CELF2: variants seen among roughly 807,000 people sequenced by gnomAD.
CELF2 encodes the protein CUG triplet repeat RNA-binding protein 2.
Under a neutral mutation model 62.6 loss-of-function variants are expected in CELF2, and 8 were observed. The ratio of observed to expected loss-of-function variants is 0.13; its 90% CI spans 0.07 to 0.23. The LOEUF is 0.23. CELF2 is among the 10% of genes least tolerant of loss of function. CELF2 has a pLI of 1.00. For missense variants in CELF2, 333 were observed against 671.0 expected (o/e 0.50, Z 5.56); for synonymous variants, 258 against 250.0 (o/e 1.03, Z -0.30).
chr10:11,087,041 T>A (rs557272311), intron 1 of CELF2, among the ~76,000 whole-genome samples: 5 of 152,156 alleles, frequency 3.3e-5, no homozygotes, highest in Non-Finnish European at 7.4e-5. Context: ...CACAGGAGGC[T>A]ACAGAATTGT....
At chr10:11,233,940 C>T (rs981677970) in intron 3 of CELF2, among the ~76,000 whole-genome samples, 5 of 152,224 alleles carry the variant, frequency 3.3e-5, no homozygotes, top group Non-Finnish European at 2.9e-5. Flanking sequence ...TCACCCCCTA[C>T]ACCCACAGGC....
intron 8 of CELF2, among the ~76,000 whole-genome samples, chr10:11,287,515 A>G (rs1330097647): frequency 6.6e-6 from 1 of 152,228 alleles, no homozygotes; most frequent in Non-Finnish European, 1.5e-5. Context: ...TATTTTTTTC[A>G]TAATTTTCAT....
chr10:10,949,298 C>T (rs2048040203), intron 2 of CELF2, among the ~76,000 whole-genome samples: 1 of 152,018 alleles, frequency 6.6e-6, no homozygotes, highest in Non-Finnish European at 1.5e-5. Flanking sequence ...CGTATCAGTC[C>T]CCAAACCCCA....
chr10:11,239,967 C>T (rs1432791060), intron 3 of CELF2, among the ~76,000 whole-genome samples: 2 of 152,278 alleles, frequency 1.3e-5, no homozygotes, highest in Non-Finnish European at 2.9e-5. Context: ...GCAGGAGAAT[C>T]GCTTGAACCG....
At chr10:10,565,070 G>T in the CELF2 span, among the ~76,000 whole-genome samples, 1 of 152,134 alleles carries the variant, frequency 6.6e-6, no homozygotes, top group Non-Finnish European at 1.5e-5. Context: ...AACCCAAATT[G>T]GCCTGGCTCC....
the CELF2 span, among the ~76,000 whole-genome samples, chr10:10,578,672 T>TA: frequency 6.6e-6 from 1 of 152,148 alleles, no homozygotes; most frequent in Non-Finnish European, 1.5e-5. Context: ...CTAATTATCT[T>TA]ACCCAAACCT....
chr10:10,814,659 A>G (rs905334676), intron 1 of CELF2, among the ~76,000 whole-genome samples: 2 of 152,240 alleles, frequency 1.3e-5, no homozygotes, highest in Admixed American at 1.3e-4. Flanking sequence ...GCCCTGGGCC[A>G]AATGAGGTAA....
Position 10,923,573 on chromosome 10 carries a change from G to A in CELF2, c.89+3574G>A, listed in dbSNP as rs142519508. 1.3e-3 allele frequency among the ~76,000 whole-genome samples: 202 copies of A among 152,276 alleles called. 1 individual carries two copies. The highest frequency in any genetic ancestry group is 3.5e-3 in the East Asian group (18 of 5,180). ...GCTTGAACAGGCAGGCGCTAAGTTT[G>A]TTTTTCATTGCTAATGATAACCTAA... is the stretch of plus-strand genomic sequence containing the variant. On this transcript the variant is annotated intron_variant, in intron 2 of 13. Coordinates refer to the CELF2 transcript ENST00000636488.
At chr10:10,807,674 A>G (rs2055371304) in intron 1 of CELF2, among the ~76,000 whole-genome samples, 1 of 152,238 alleles carries the variant, frequency 6.6e-6, no homozygotes, top group Non-Finnish European at 1.5e-5. Flanking sequence ...CGAAAGGAAA[A>G]GGAATTTTCT....
intron 3 of CELF2, among the ~76,000 whole-genome samples, chr10:11,235,037 A>G (rs1010521919): frequency 3.3e-5 from 5 of 152,232 alleles, no homozygotes; most frequent in African/African-American, 1.2e-4. Context: ...AACGAGGTCA[A>G]GCAACTTGAC....
chr10:10,474,223 GC>G, the CELF2 span, among the ~76,000 whole-genome samples: 2 of 152,022 alleles, frequency 1.3e-5, no homozygotes, highest in Non-Finnish European at 2.9e-5. Flanking sequence ...CAGGATGACA[GC>G]TTGAGCCCAG....
the CELF2 span, among the ~76,000 whole-genome samples, chr10:10,790,631 A>G: frequency 6.6e-6 from 1 of 152,182 alleles, no homozygotes; most frequent in Non-Finnish European, 1.5e-5. Flanking sequence ...CTCAAAGGAC[A>G]CAGATTTGGT....
the CELF2 span, among the ~76,000 whole-genome samples, chr10:10,614,406 C>T: frequency 6.6e-6 from 1 of 152,072 alleles, no homozygotes; most frequent in Non-Finnish European, 1.5e-5. Flanking sequence ...ACCCAGCAGC[C>T]ACATCCGGAA....
the CELF2 span, among the ~76,000 whole-genome samples, chr10:10,467,493 T>C: frequency 6.6e-6 from 1 of 152,054 alleles, no homozygotes; most frequent in Non-Finnish European, 1.5e-5. Flanking sequence ...TAGTAAGTCT[T>C]GGAAAAAGAT....
At chr10:11,161,180 A>G (rs1490463772) in intron 1 of CELF2, among the ~76,000 whole-genome samples, 1 of 152,224 alleles carries the variant, frequency 6.6e-6, no homozygotes, top group Non-Finnish European at 1.5e-5. Context: ...TTTCCGAACA[A>G]GATTTCATTT....
At chr10:10,873,502 C>A (rs1292648211) in intron 1 of CELF2, among the ~76,000 whole-genome samples, 1 of 152,194 alleles carries the variant, frequency 6.6e-6, no homozygotes, top group Non-Finnish European at 1.5e-5. Flanking sequence ...AAGCTGGATT[C>A]TGTCCAAGGT....
rs929568811 is a variant in CELF2, at chr10:10,997,966, A to AT, written c.89+77971dup. On this transcript the variant is annotated intron_variant, in intron 2 of 13. Coordinates refer to the CELF2 transcript ENST00000636488. This position sits in a 1 kb window ranked among gnomAD's most constrained non-coding sequence, Gnocchi z 5.3. ...GAGGTAATTGAATCATGGAGGCTGG[A>AT]TTTTCTCATGCAGTTCTTGTGATAG... Among the ~76,000 whole-genome samples the AT allele has an allele frequency of 1.1e-4, 16 of 152,064 alleles. No individual in the cohort carries two copies. Among genetic ancestry groups the AT allele is most frequent in the African/African-American group, 3.9e-4 (16 of 41,464 alleles).
intron 1 of CELF2, among the ~76,000 whole-genome samples, chr10:10,835,666 A>G (rs1349852312): frequency 6.6e-6 from 1 of 152,180 alleles, no homozygotes; most frequent in Non-Finnish European, 1.5e-5. Flanking sequence ...TACAGGTGTG[A>G]GCCACCACGC....
intron 2 of CELF2, among the ~76,000 whole-genome samples, chr10:11,175,818 T>G (rs1179423487): frequency 2.0e-5 from 3 of 152,234 alleles, no homozygotes; most frequent in Non-Finnish European, 1.5e-5. Context: ...CAGTAGATGC[T>G]TCTGGGTGCC....
Sources: allele counts gnomAD v4.1 joint callset (sites outside exome capture counted in the v4.1 genomes callset), GRCh38; gene constraint gnomAD v4.1.1; non-coding constraint Gnocchi (gnomAD v3.1); transcripts MANE v1.5; gene names NCBI Gene and HGNC (gene_info 2026-07-23, HGNC 2026-07-21).